The following MBOAT2 variants were observed in gnomAD, a reference collection of about 807,000 sequenced individuals.
The protein encoded by MBOAT2 is membrane bound glycerophospholipid O-acyltransferase 2, also known as membrane-bound glycerophospholipid O-acyltransferase 2.
In MBOAT2, 28 loss-of-function variants were observed where a neutral mutation model predicts 63.4. The observed-to-expected ratio is 0.44, with a 90% confidence interval of 0.33 to 0.61. The LOEUF (loss-of-function observed/expected upper bound fraction) is 0.61. Among genes scored for constraint, MBOAT2 ranks in the 20% least tolerant of loss-of-function variants. MBOAT2 has a pLI of 0.03. For missense variants in MBOAT2, 470 were observed against 605.8 expected (o/e 0.78, Z 2.35); for synonymous variants, 211 against 215.6 (o/e 0.98, Z 0.19).
intron 2 of MBOAT2, among the ~76,000 whole-genome samples, chr2:8,949,746 T>C (rs961437594): frequency 6.6e-5 from 10 of 152,328 alleles, no homozygotes; most frequent in Middle Eastern, 6.8e-3. Context: ...TGCATCCTTA[T>C]AGTATAGTTT....
Position 8,855,501 on chromosome 2 carries a change from T to C in MBOAT2, c.*3178A>G, listed in dbSNP as rs934166554. ...TTGGAAATCCTGTGTGTGTCACACA[T>C]GGTGGAGACCAATAAATATATTTTT... On this transcript the variant is annotated 3_prime_UTR_variant, in exon 13 of 13. Coordinates refer to ENST00000305997, the MANE Select transcript of MBOAT2 (RefSeq NM_138799.4). 1 of 152,246 alleles carries C rather than the reference T, an allele frequency of 6.6e-6. No individual in the cohort carries two copies. Among genetic ancestry groups the C allele is most frequent in the Non-Finnish European group, 1.5e-5 (1 of 68,040 alleles). 9.4% of individuals were successfully genotyped at this position (152,246 alleles called of 1,614,324 possible).
In MBOAT2 at chr2:8,989,552, G is replaced by T. The variant is rs1353195218; in HGVS notation, c.75+13988C>A. 2.0e-5 allele frequency among the ~76,000 whole-genome samples: 3 copies of T among 152,144 alleles called. No individual in the cohort carries two copies. The East Asian group carries it at 5.8e-4, about 29-fold the overall frequency. ...AGGAGAGCTAGAAATGTTCAATCAT[G>T]AGCCCATGGATTTCACAGAAGACTG... On this transcript the variant is annotated intron_variant, in intron 1 of 12. Transcript: ENST00000305997.
At chr2:8,945,011 A>C (rs547547909) in intron 2 of MBOAT2, among the ~76,000 whole-genome samples, 1 of 152,300 alleles carries the variant, frequency 6.6e-6, no homozygotes, top group South Asian at 2.1e-4. Context: ...TTGCTACGTT[A>C]AATTTCTTGA....
At chr2:8,966,233 A>G (rs1390070361) in intron 1 of MBOAT2, among the ~76,000 whole-genome samples, 1 of 152,182 alleles carries the variant, frequency 6.6e-6, no homozygotes, top group Non-Finnish European at 1.5e-5. Flanking sequence ...ACAGATCTGC[A>G]TTGTTCAATG....
intron 3 of MBOAT2, among the ~76,000 whole-genome samples, chr2:8,921,846 G>C (rs1313659833): frequency 6.6e-6 from 1 of 152,178 alleles, no homozygotes; most frequent in East Asian, 1.9e-4. Context: ...AGGACTTAGT[G>C]AAGATCTGTT....
chr2:8,902,266 A>G (rs2148577491), intron 4 of MBOAT2, among the ~76,000 whole-genome samples: 1 of 152,308 alleles, frequency 6.6e-6, no homozygotes, highest in Middle Eastern at 3.4e-3. Flanking sequence ...TCTAAGGAAA[A>G]ATAGGACAAA....
At chr2:8,940,193 G>A (rs1319375411) in intron 3 of MBOAT2, among the ~76,000 whole-genome samples, 3 of 152,086 alleles carry the variant, frequency 2.0e-5, no homozygotes, top group Admixed American at 6.6e-5. Context: ...ACAAGGTACT[G>A]GGAATATAAA....
intron 7 of MBOAT2, among the ~76,000 whole-genome samples, chr2:8,874,753 G>A (rs982103751): frequency 6.6e-6 from 1 of 152,188 alleles, no homozygotes; most frequent in African/African-American, 2.4e-5. Flanking sequence ...GACAGAGACT[G>A]CCAAGTGTTT....
chr2:9,003,502 G>C lies in MBOAT2; in HGVS notation c.75+38C>G. On this transcript the variant is annotated intron_variant, in intron 1 of 12. Transcript: ENST00000305997. The surrounding 1 kb of genome is among the most constrained non-coding windows in gnomAD (Gnocchi z 5.4). Reference sequence around the variant, plus strand: ...TGGCACCGCGGCGGGGAGGGGCGGCGAGGGCGCGACGCCCGGCGCCAGGGC... The same window carrying C: ...TGGCACCGCGGCGGGGAGGGGCGGCCAGGGCGCGACGCCCGGCGCCAGGGC... The C allele has an allele frequency of 8.6e-7, 1 of 1,169,472 alleles. No individual in the cohort carries two copies. Among genetic ancestry groups the C allele is most frequent in the Non-Finnish European group, 1.1e-6 (1 of 947,140 alleles). 72.4% of individuals were successfully genotyped at this position (1,169,472 alleles called of 1,614,324 possible).
rs556395812 is a variant in MBOAT2 at position 8,865,009 on chromosome 2, C to T, written c.988-775G>A. On this transcript the variant is annotated intron_variant, in intron 9 of 12. Coordinates refer to ENST00000305997, the MANE Select transcript of MBOAT2 (RefSeq NM_138799.4). ...AAACCCTAATTCCAGATCAAACACA[C>T]CGTCCACTTTCCCCACTGGTAACAT... Among the ~76,000 whole-genome samples the T allele has an allele frequency of 2.0e-5, 3 of 152,304 alleles. No homozygotes were observed. In the South Asian group the frequency reaches 6.2e-4, roughly 32 times the overall value.
At chr2:8,879,990 T>A (rs1420654571) in intron 6 of MBOAT2, among the ~76,000 whole-genome samples, 1 of 152,058 alleles carries the variant, frequency 6.6e-6, no homozygotes, top group East Asian at 1.9e-4. Context: ...GGAAGCGTGG[T>A]CGAGCTCTGG....
intron 4 of MBOAT2, among the ~76,000 whole-genome samples, chr2:8,893,626 A>G (rs1664184622): frequency 1.3e-5 from 2 of 152,236 alleles, no homozygotes; most frequent in South Asian, 4.1e-4. Flanking sequence ...AATAATCAAA[A>G]GGGAAGTGCT....
At chr2:8,916,929 G>A (rs565363471) in intron 3 of MBOAT2, among the ~76,000 whole-genome samples, 6 of 152,150 alleles carry the variant, frequency 3.9e-5, no homozygotes, top group Non-Finnish European at 8.8e-5. Flanking sequence ...CGGTAACCAA[G>A]ACAGTATGAC....
At chr2:8,948,881 C>T (rs1489910892) in intron 2 of MBOAT2, among the ~76,000 whole-genome samples, 1 of 152,116 alleles carries the variant, frequency 6.6e-6, no homozygotes, top group Non-Finnish European at 1.5e-5. Flanking sequence ...CTGGGTCAAA[C>T]GGTAGTTGTT....
At chr2:8,918,742 G>A (rs752144914) in intron 3 of MBOAT2, among the ~76,000 whole-genome samples, 2 of 152,140 alleles carry the variant, frequency 1.3e-5, no homozygotes, top group Non-Finnish European at 2.9e-5. Flanking sequence ...TGCAAGCCTC[G>A]CTCAAATAGC....
chr2:8,928,521 A>G (rs979933761), intron 3 of MBOAT2, among the ~76,000 whole-genome samples: 2 of 152,192 alleles, frequency 1.3e-5, no homozygotes, highest in East Asian at 3.8e-4. Flanking sequence ...TTACCCTTAA[A>G]AATTATTGAG....
intron 8 of MBOAT2, among the ~76,000 whole-genome samples, chr2:8,870,194 A>T (rs1662212988): frequency 6.6e-6 from 1 of 152,212 alleles, no homozygotes; most frequent in South Asian, 2.1e-4. Flanking sequence ...CTTGAGTTAA[A>T]GGGAAAAAAA....
Position 8,868,428 on chromosome 2 carries a change from T to A in MBOAT2, c.987+18A>T, listed in dbSNP as rs774576282. Reference sequence around the variant, plus strand: ...TACTTAAAGTATATAGTAACTAACTTCTTAAAGATTGACTCACCTCTATTT... The same window carrying A: ...TACTTAAAGTATATAGTAACTAACTACTTAAAGATTGACTCACCTCTATTT... On this transcript the variant is annotated intron_variant, in intron 9 of 12. Transcript: ENST00000305997. 9 of 1,601,252 alleles carry A rather than the reference T, an allele frequency of 5.6e-6. No homozygotes were observed. In the Admixed American group the frequency reaches 1.0e-4, roughly 18 times the overall value.
chr2:8,975,857 T>C (rs1483704427), intron 1 of MBOAT2, among the ~76,000 whole-genome samples: 4 of 150,712 alleles, frequency 2.7e-5, no homozygotes, highest in Admixed American at 6.6e-5. Context: ...AATAGCATCA[T>C]GAGAACACAA....
Sources: gnomAD v4.1 joint callset for allele counts (sites outside exome capture counted in the v4.1 genomes callset) on GRCh38, gnomAD v4.1.1 for gene constraint, Gnocchi (gnomAD v3.1) non-coding constraint, MANE v1.5 for transcripts, NCBI Gene and HGNC (gene_info 2026-07-23, HGNC 2026-07-21) for gene names.